The following ANKRD11 variants were observed in gnomAD, a reference collection of about 807,000 sequenced individuals.
ANKRD11 encodes the protein ankyrin repeat domain 11.
In ANKRD11, 17 loss-of-function variants were observed where a neutral mutation model predicts 195.7. That is an observed-to-expected ratio of 0.09 (90% CI 0.06 to 0.13). The LOEUF is 0.13. ANKRD11 is among the 10% of genes least tolerant of loss of function. The pLI is 1.00. For synonymous variants in ANKRD11, 1,953 were observed against 1,528.1 expected, an observed-to-expected ratio of 1.28 and a Z score of -6.49; for missense variants, 3,735 against 3,566.1, an observed-to-expected ratio of 1.05 and a Z score of -1.21.
chr16:89,366,568 G>A (rs144766541), intron 2 of ANKRD11, among the ~76,000 whole-genome samples: 3 of 152,266 alleles, frequency 2.0e-5, no homozygotes, highest in Middle Eastern at 3.4e-3. Flanking sequence ...CAGTTTTCAC[G>A]ATCAGCTGGT....
At chr16:89,471,895 TC>T (rs2057098038) in intron 1 of ANKRD11, among the ~76,000 whole-genome samples, 1 of 148,952 alleles carries the variant, frequency 6.7e-6, no homozygotes, top group Admixed American at 6.7e-5. Context: ...AAGTCCTTAC[TC>T]CCCCAGTTAC....
At chr16:89,408,942 G>A (rs1441789993) in intron 2 of ANKRD11, among the ~76,000 whole-genome samples, 1 of 152,210 alleles carries the variant, frequency 6.6e-6, no homozygotes. Context: ...TGAACAGGCC[G>A]CTGTGGAGTG....
In ANKRD11 at chr16:89,374,541, C is replaced by T. The variant is rs114357185; in HGVS notation, c.-60+43743G>A. 9.1e-3 allele frequency among the ~76,000 whole-genome samples: 1,385 copies of T among 152,246 alleles called. 35 individuals carry two copies. Among genetic ancestry groups the T allele is most frequent in the South Asian group, 0.063 (305 of 4,826 alleles). On this transcript the variant is annotated intron_variant, in intron 2 of 12. Coordinates refer to ENST00000301030, the MANE Select transcript of ANKRD11 (RefSeq NM_013275.6). Reference sequence around the variant, plus strand: ...TTCAGAGCCGATGGCCTCTGCCGGCCGCTGTGTGTGTGAGCTACACTCTGT... The same window carrying T: ...TTCAGAGCCGATGGCCTCTGCCGGCTGCTGTGTGTGTGAGCTACACTCTGT...
intron 2 of ANKRD11, among the ~76,000 whole-genome samples, chr16:89,397,298 C>G (rs781132838): frequency 6.6e-6 from 1 of 152,228 alleles, no homozygotes; most frequent in African/African-American, 2.4e-5. Context: ...CCCCTCAGGG[C>G]AAGGCCTCTC....
intron 2 of ANKRD11, among the ~76,000 whole-genome samples, chr16:89,394,343 C>T (rs551079451): frequency 2.0e-5 from 3 of 152,256 alleles, no homozygotes; most frequent in Admixed American, 6.5e-5. Context: ...AAAAACAGCT[C>T]GTGGGCCAGG....
At chr16:89,406,548 C>T (rs1015529560) in intron 2 of ANKRD11, among the ~76,000 whole-genome samples, 4 of 152,214 alleles carry the variant, frequency 2.6e-5, no homozygotes, top group African/African-American at 9.6e-5. Flanking sequence ...GCACCAGAGG[C>T]TGCAGCGAGG....
intron 2 of ANKRD11, among the ~76,000 whole-genome samples, chr16:89,355,773 C>G (rs2039443502): frequency 6.6e-6 from 1 of 152,226 alleles, no homozygotes; most frequent in Non-Finnish European, 1.5e-5. Context: ...CGCAGCCTGA[C>G]AATCGCATCT....
At chr16:89,305,083 C>G (rs760153819) in intron 4 of ANKRD11, 123 bp downstream of exon 4, 14 of 1,421,622 alleles carry the variant, frequency 9.8e-6, no homozygotes, top group Non-Finnish European at 1.3e-5. Context: ...GCCTGGACGG[C>G]GTGCAGGGTG....
chr16:89,301,347 T>G, intron 4 of ANKRD11: 1 of 390,750 alleles, frequency 2.6e-6, no homozygotes, highest in Non-Finnish European at 4.5e-6. Context: ...AAATCCCAGA[T>G]ATCATATAAT....
Position 89,283,404 on chromosome 16 carries a change from A to C in ANKRD11, c.3138T>G (p.Cys1046Trp). 1.9e-6 allele frequency: 3 copies of C among 1,613,884 alleles called. No individual in the cohort carries two copies. Among genetic ancestry groups the C allele is most frequent in the Non-Finnish European group, 1.7e-6 (2 of 1,180,018 alleles). The change falls in exon 9 of 13, where the codon TGT becomes TGG. Residue 1046 changes from cysteine to tryptophan, a missense_variant. Coordinates refer to ENST00000301030, the MANE Select transcript of ANKRD11 (RefSeq NM_013275.6). This position sits in a 1 kb window ranked among gnomAD's most constrained non-coding sequence, Gnocchi z 4.3. ...ATTTATCAAATTCTTTGTCCTTCTG[A>C]CATTTTTCCAGGATTGATTTCTCAC... ...DKSEKSILEK[C>W]QKDKEFDKCF...
intron 2 of ANKRD11, chr16:89,321,361 ACACC>A (rs1421933410): frequency 6.7e-6 from 1 of 148,970 alleles, no homozygotes; most frequent in African/African-American, 2.5e-5. Context: ...CAACCCTGAG[ACACC>A]TGTCGGGCGG....
At chr16:89,463,156 ACC>A (rs2056758265) in intron 1 of ANKRD11, among the ~76,000 whole-genome samples, 1 of 151,880 alleles carries the variant, frequency 6.6e-6, no homozygotes, top group East Asian at 1.9e-4. Flanking sequence ...CCCGGCCACC[ACC>A]CCGTCTGGGA....
At chr16:89,432,236 TACACACACACACACACACAC>T (rs59807718) in intron 1 of ANKRD11, among the ~76,000 whole-genome samples, 23 of 142,854 alleles carry the variant, frequency 1.6e-4, no homozygotes, top group Admixed American at 8.4e-4. Context: ...CGTGATGCAG[TACACACACACACACACACAC>T]ACACACACAC....
At chr16:89,374,812 C>A (rs1211258476) in intron 2 of ANKRD11, among the ~76,000 whole-genome samples, 3 of 152,160 alleles carry the variant, frequency 2.0e-5, no homozygotes, top group African/African-American at 7.2e-5. Context: ...AACACCACGG[C>A]TTGGCTGCAC....
Position 89,281,278 on chromosome 16 carries a change from G to A in ANKRD11, c.5264C>T (p.Ala1755Val), listed in dbSNP as rs977964461. 13 of 1,614,150 alleles carry A rather than the reference G, an allele frequency of 8.1e-6. No individual in the cohort carries two copies. The highest frequency in any genetic ancestry group is 6.8e-6 in the Non-Finnish European group (8 of 1,180,062). ...STPVPTAPTS[A>V]CSPSFFDRFS... ...CCTGTCGAAAAAGGAGGGGGAGCAG[G>A]CGCTGGTGGGAGCGGTGGGCACGGG... Residue 1755 changes from alanine (A) to valine (V), a missense_variant, in exon 9 of 13, where the codon GCC becomes GTC. Transcript: ENST00000301030. This position sits in a 1 kb window ranked among gnomAD's most constrained non-coding sequence, Gnocchi z 5.5.
chr16:89,275,070 C>G (rs779438523), intron 10 of ANKRD11, 23 bp downstream of exon 10: 27 of 1,612,402 alleles, frequency 1.7e-5, no homozygotes, highest in Middle Eastern at 3.3e-4. Context: ...GTGGCGCCCC[C>G]CTGCCTGTGC....
chr16:89,271,294 A>G (rs2033132137), intron 11 of ANKRD11: 1 of 327,514 alleles, frequency 3.1e-6, no homozygotes, highest in Admixed American at 4.4e-5. Flanking sequence ...CTGGAGTGCA[A>G]TGGCGCGATC....
At chr16:89,383,342 C>T (rs1235445761) in intron 2 of ANKRD11, among the ~76,000 whole-genome samples, 2 of 152,244 alleles carry the variant, frequency 1.3e-5, no homozygotes, top group Non-Finnish European at 2.9e-5. Flanking sequence ...GGAGGGGCAG[C>T]AGCAGCCCCA....
chr16:89,336,961 G>A (rs2038388198), intron 2 of ANKRD11, among the ~76,000 whole-genome samples: 1 of 143,686 alleles, frequency 7.0e-6, no homozygotes, highest in Non-Finnish European at 1.5e-5. Context: ...CTTGAGCTCA[G>A]GAGGTGGAGA....
Sources: allele counts gnomAD v4.1 joint callset (sites outside exome capture counted in the v4.1 genomes callset), GRCh38; gene constraint gnomAD v4.1.1; non-coding constraint Gnocchi (gnomAD v3.1); transcripts MANE v1.5; gene names NCBI Gene and HGNC (gene_info 2026-07-23, HGNC 2026-07-21).